The following ANTXRL variants were observed in gnomAD, a reference collection of about 807,000 sequenced individuals.
The protein encoded by ANTXRL is ANTXR like.
Under a neutral mutation model 75.4 loss-of-function variants are expected in ANTXRL, and 63 were observed. The observed-to-expected ratio is 0.84, with a 90% confidence interval of 0.68 to 1.03. The LOEUF (loss-of-function observed/expected upper bound fraction) is 1.03, where lower values mean the gene tolerates loss of function less well. Ranked by LOEUF, ANTXRL falls within the 50% of genes least tolerant of loss-of-function variation. The pLI is 0.00. For synonymous variants in ANTXRL, 335 were observed against 291.3 expected, an observed-to-expected ratio of 1.15 and a Z score of -1.53; for missense variants, 797 against 789.4, an observed-to-expected ratio of 1.01 and a Z score of -0.12.
chr10:46,306,005 A>G (rs1554961782), intron 10 of ANTXRL, among the ~76,000 whole-genome samples: 1 of 152,118 alleles, frequency 6.6e-6, no homozygotes, highest in Non-Finnish European at 1.5e-5. Flanking sequence ...GATTCACTGC[A>G]CAAGAAATAA....
intron 3 of ANTXRL, 45 bp from the exon 4 acceptor site, chr10:46,295,974 A>C (rs142430016): frequency 8.1e-6 from 12 of 1,476,450 alleles, no homozygotes; most frequent in Non-Finnish European, 7.3e-6. Context: ...GATTTTTAAC[A>C]GTCAATGTCT....
At chr10:46,313,196 C>T in intron 15 of ANTXRL, 40 bp from the exon 16 acceptor site, 2 of 1,516,910 alleles carry the variant, frequency 1.3e-6, no homozygotes, top group Non-Finnish European at 1.8e-6. Context: ...GAGGCAGTGT[C>T]CAAGCTGCAT....
chr10:46,326,381 C>T (rs1839212846), intron 16 of ANTXRL, among the ~76,000 whole-genome samples: 1 of 152,104 alleles, frequency 6.6e-6, no homozygotes, highest in Admixed American at 6.5e-5. Context: ...CCCCTCACAA[C>T]ATCCCCACAG....
At chr10:46,299,867 G>T (rs1244803484) in intron 9 of ANTXRL, among the ~76,000 whole-genome samples, 1 of 152,178 alleles carries the variant, frequency 6.6e-6, no homozygotes, top group African/African-American at 2.4e-5. Flanking sequence ...TTCCATGATT[G>T]GTCCTGGGCT....
At chr10:46,325,312 A>G (rs1423174554) in intron 16 of ANTXRL, among the ~76,000 whole-genome samples, 1 of 152,168 alleles carries the variant, frequency 6.6e-6, no homozygotes, top group Non-Finnish European at 1.5e-5. Flanking sequence ...GGTGTTTGCA[A>G]TGAAGGCATC....
Position 46,296,069 on chromosome 10 carries a change from G to A in ANTXRL, c.443G>A (p.Gly148Asp). 6.5e-7 allele frequency: 1 copy of A among 1,535,972 alleles called. No individual in the cohort carries two copies. Among genetic ancestry groups the A allele is most frequent in the Non-Finnish European group, 8.7e-7 (1 of 1,146,774 alleles). ...CAACTTCAGAAAATTGTGCCTGACG[G>A]TCACACATTCATGCAGGCAGGATTT... ...LDQLQKIVPDGHTFMQAGFRK... is the reference protein window; with the variant it reads ...LDQLQKIVPDDHTFMQAGFRK... The change falls in exon 4 of 17, where the codon GGT becomes GAT. Residue 148 changes from glycine (G) to aspartate (D), a missense_variant. Gly to Asp is a moderately conservative substitution (Grantham distance 94, BLOSUM62 -1). Coordinates refer to ENST00000620264, the MANE Select transcript of ANTXRL (RefSeq NM_001278688.3).
intron 1 of ANTXRL, among the ~76,000 whole-genome samples, chr10:46,289,255 T>G (rs1282779244): frequency 6.6e-6 from 1 of 152,160 alleles, no homozygotes; most frequent in Non-Finnish European, 1.5e-5. Context: ...CAGGTGACAT[T>G]TGAGGGCTCT....
At chr10:46,287,646 C>A in intron 1 of ANTXRL, 136 bp downstream of exon 1, 9 of 1,180,596 alleles carry the variant, frequency 7.6e-6, no homozygotes, top group Non-Finnish European at 1.0e-5. Context: ...CAGACCAGAC[C>A]TAGGCCTCCT....
intron 2 of ANTXRL, 102 bp downstream of exon 2, chr10:46,292,231 C>T: frequency 9.2e-7 from 1 of 1,091,650 alleles, no homozygotes; most frequent in Non-Finnish European, 1.3e-6. Context: ...GCGTGGGAGT[C>T]CTTCAGTGGG....
intron 2 of ANTXRL, among the ~76,000 whole-genome samples, chr10:46,293,507 CTGTG>C (rs781800090): frequency 5.7e-5 from 5 of 87,810 alleles, no homozygotes; most frequent in South Asian, 7.6e-4. Context: ...GTGTGTGCAC[CTGTG>C]TGTGTGTGTG....
intron 1 of ANTXRL, among the ~76,000 whole-genome samples, chr10:46,291,132 C>A (rs1836964206): frequency 6.6e-6 from 1 of 152,152 alleles, no homozygotes; most frequent in Non-Finnish European, 1.5e-5. Context: ...GGTCCAACTT[C>A]ATTCTTTTGC....
At chr10:46,304,050 C>T (rs1172696037) in intron 10 of ANTXRL, among the ~76,000 whole-genome samples, 1 of 152,132 alleles carries the variant, frequency 6.6e-6, no homozygotes, top group Non-Finnish European at 1.5e-5. Flanking sequence ...CCCCACATTC[C>T]CACTCATCAG....
intron 16 of ANTXRL, among the ~76,000 whole-genome samples, chr10:46,324,704 T>C (rs1414012688): frequency 6.6e-6 from 1 of 152,128 alleles, no homozygotes; most frequent in Non-Finnish European, 1.5e-5. Context: ...AAGAGACCCA[T>C]AAATATTCAG....
At chr10:46,294,230 G>T in intron 3 of ANTXRL, 2 of 369,380 alleles carry the variant, frequency 5.4e-6, no homozygotes, top group Non-Finnish European at 1.0e-5. Flanking sequence ...GGGCGGGGGT[G>T]TGTGTCCTGT....
chr10:46,314,134 G>A (rs545814792), intron 16 of ANTXRL, among the ~76,000 whole-genome samples: 1 of 152,298 alleles, frequency 6.6e-6, no homozygotes, highest in African/African-American at 2.4e-5. Flanking sequence ...GTTCTCAGTG[G>A]CCAGGTGGCT....
At chr10:46,321,544 G>C (rs187970878) in intron 16 of ANTXRL, among the ~76,000 whole-genome samples, 125 of 152,214 alleles carry the variant, frequency 8.2e-4, no homozygotes, top group Non-Finnish European at 1.3e-3. Flanking sequence ...GACTCGGTAT[G>C]GTCCCTTCCA....
intron 10 of ANTXRL, among the ~76,000 whole-genome samples, chr10:46,306,325 C>G (rs1164994345): frequency 2.0e-5 from 3 of 152,220 alleles, no homozygotes; most frequent in African/African-American, 7.2e-5. Context: ...CTGCCCCCAC[C>G]TGCTTTCCTT....
chr10:46,296,659 C>A (rs1485397419), intron 5 of ANTXRL, among the ~76,000 whole-genome samples: 1 of 152,160 alleles, frequency 6.6e-6, no homozygotes, highest in Non-Finnish European at 1.5e-5. Flanking sequence ...CCAGGGCCCC[C>A]AACTTCCCTC....
intron 14 of ANTXRL, among the ~76,000 whole-genome samples, chr10:46,310,994 C>T (rs782799607): frequency 2.6e-4 from 39 of 151,970 alleles, no homozygotes; most frequent in Non-Finnish European, 5.0e-4. Flanking sequence ...TGGTGGGCAC[C>T]GAGCTGGGAA....
Sources: gnomAD v4.1 joint callset for allele counts (sites outside exome capture counted in the v4.1 genomes callset) on GRCh38, gnomAD v4.1.1 for gene constraint, MANE v1.5 for transcripts, NCBI Gene and HGNC (gene_info 2026-07-23, HGNC 2026-07-21) for gene names.